SP100: variants seen among roughly 807,000 people sequenced by gnomAD.
SP100 encodes SP100 nuclear body protein, also known as nuclear autoantigen Sp-100.
Under a neutral mutation model 130.0 loss-of-function variants are expected in SP100, and 84 were observed. That is an observed-to-expected ratio of 0.65 (90% CI 0.54 to 0.77). The LOEUF is 0.77. Among genes scored for constraint, SP100 ranks in the 30% least tolerant of loss-of-function variants. The probability of loss-of-function intolerance (pLI) is 0.00; values close to 1 mark genes in which losing one functional copy is unlikely to be tolerated. For synonymous variants in SP100, 331 were observed against 351.7 expected (o/e 0.94, Z 0.66); for missense variants, 978 against 1,052.2 (o/e 0.93, Z 0.97).
chr2:230,435,778 C>T (rs949243290), intron 2 of SP100, among the ~76,000 whole-genome samples: 5 of 152,044 alleles, frequency 3.3e-5, no homozygotes, highest in African/African-American at 1.2e-4. Context: ...CATGTGTTCT[C>T]ATCATTTAGC....
chr2:230,483,185 T>G (rs1416153918), intron 17 of SP100, among the ~76,000 whole-genome samples: 5 of 152,188 alleles, frequency 3.3e-5, no homozygotes, highest in Admixed American at 3.3e-4. Flanking sequence ...ATATTTCAGA[T>G]AGTGACAATG....
rs543966929 is a variant in SP100 at position 230,453,258 on chromosome 2, G to T, written c.820+3003G>T. Among the ~76,000 whole-genome samples, 7 of 152,284 alleles carry T rather than the reference G, an allele frequency of 4.6e-5. No homozygotes were observed. In the South Asian group the frequency reaches 1.4e-3, roughly 32 times the overall value. On this transcript the variant is annotated intron_variant, in intron 8 of 28. Transcript: ENST00000340126. The stretch of plus-strand genomic sequence containing the variant: ...CTCACTGTTGTGAGAACAGCATTGA[G>T]GTAACTGCCCCCATGACTCAATTAC...
At chr2:230,438,644 T>TAC (rs1161249714) in intron 2 of SP100, among the ~76,000 whole-genome samples, 20 of 100,742 alleles carry the variant, frequency 2.0e-4, no homozygotes, top group Admixed American at 1.4e-3. Context: ...ATGGTGTATA[T>TAC]ATATACACAC....
At chr2:230,424,443 G>A (rs1455376562) in intron 2 of SP100, among the ~76,000 whole-genome samples, 1 of 152,146 alleles carries the variant, frequency 6.6e-6, no homozygotes, top group African/African-American at 2.4e-5. Flanking sequence ...GAGGCAGGCG[G>A]ATCACCTGAG....
rs2064308125 is a variant in SP100, at chr2:230,457,017, G to C, written c.821-4245G>C. On this transcript the variant is annotated intron_variant, in intron 8 of 28. Transcript: ENST00000340126. The stretch of plus-strand genomic sequence containing the variant: ...GCCTTACATTTATGTCTGTACATTT[G>C]AGAAAGTAGAAACTATTCTAGTCTT... Among the ~76,000 whole-genome samples, 8 of 152,158 alleles carry C rather than the reference G, an allele frequency of 5.3e-5. No individual in the cohort carries two copies. The South Asian group carries it at 1.7e-3, about 32-fold the overall frequency.
At chr2:230,492,655 G>A (rs2066450895) in intron 17 of SP100, among the ~76,000 whole-genome samples, 4 of 152,066 alleles carry the variant, frequency 2.6e-5, no homozygotes. Flanking sequence ...CAGAGCATAT[G>A]CATTTCATAT....
intron 8 of SP100, among the ~76,000 whole-genome samples, chr2:230,454,798 T>A (rs1421829793): frequency 6.6e-6 from 1 of 152,182 alleles, no homozygotes; most frequent in Non-Finnish European, 1.5e-5. Context: ...TTTTAGGTCC[T>A]CTTGGTCTAA....
At chr2:230,531,568 AT>A (rs761559079) in intron 24 of SP100, among the ~76,000 whole-genome samples, 2 of 152,178 alleles carry the variant, frequency 1.3e-5, no homozygotes, top group Non-Finnish European at 2.9e-5. Flanking sequence ...AAATAAATTA[AT>A]TAATTTAAAA....
At chr2:230,447,013 GA>G in intron 5 of SP100, 111 bp downstream of exon 5, 2 of 660,622 alleles carry the variant, frequency 3.0e-6, no homozygotes, top group South Asian at 3.8e-5. Context: ...AGAAGTCAAG[GA>G]GAGAGTTATA....
intron 2 of SP100, among the ~76,000 whole-genome samples, chr2:230,432,033 G>A (rs1281050774): frequency 6.6e-6 from 1 of 152,056 alleles, no homozygotes; most frequent in African/African-American, 2.4e-5. Flanking sequence ...ATGACTATTT[G>A]GGATCAATTC....
intron 23 of SP100, chr2:230,509,833 C>T (rs1428959518): frequency 6.6e-6 from 1 of 152,226 alleles, no homozygotes; most frequent in African/African-American, 2.4e-5. Flanking sequence ...AACCTCTTCT[C>T]CCAAGTGACA....
At chr2:230,493,026 T>C (rs552980991) in intron 17 of SP100, among the ~76,000 whole-genome samples, 95 of 152,348 alleles carry the variant, frequency 6.2e-4, no homozygotes, top group African/African-American at 2.3e-3. Flanking sequence ...TGGAAATATA[T>C]CTCAGTGTTG....
At chr2:230,484,905 C>T (rs2065993839) in intron 17 of SP100, among the ~76,000 whole-genome samples, 1 of 151,708 alleles carries the variant, frequency 6.6e-6, no homozygotes, top group Non-Finnish European at 1.5e-5. Context: ...CCCACTGGTT[C>T]ATTATTTAAG....
intron 12 of SP100, among the ~76,000 whole-genome samples, chr2:230,466,588 G>T (rs1024018240): frequency 1.3e-5 from 2 of 152,032 alleles, no homozygotes; most frequent in Admixed American, 6.6e-5. Context: ...ACAACAGAAG[G>T]TTTTTTATTT....
chr2:230,542,726 T>C (rs1692226749), intron 28 of SP100, 110 bp from the exon 29 acceptor site: 1 of 592,866 alleles, frequency 1.7e-6, no homozygotes. Flanking sequence ...GTAGATTAAT[T>C]CTCACTTAAC....
At chr2:230,449,753 G>A in intron 7 of SP100, 43 bp downstream of exon 7, 1 of 1,606,768 alleles carries the variant, frequency 6.2e-7, no homozygotes, top group Non-Finnish European at 8.5e-7. Flanking sequence ...GAGCCAAGGG[G>A]CCCTGGCTGG....
Position 230,464,070 on chromosome 2 carries a change from T to C in SP100, c.1061T>C (p.Ile354Thr), listed in dbSNP as rs1290184594. The C allele has an allele frequency of 3.1e-6, 5 of 1,608,470 alleles. No homozygotes were observed. Among genetic ancestry groups the C allele is most frequent in the South Asian group, 1.1e-5 (1 of 90,960 alleles). The change falls in exon 11 of 29, where the codon ATC (isoleucine) becomes ACC (threonine). Residue 354 changes from isoleucine (I) to threonine (T), a missense_variant. Ile to Thr is a moderately conservative substitution (Grantham distance 89). Transcript: ENST00000340126. ...FISAPRSEPV[I>T]NNDNPLESND... ...AGAATCCCATTCTTTTGTGCAGTGA[T>C]CAATAATGACAACCCTTTAGAATCA...
chr2:230,494,259 G>A (rs143929368), intron 17 of SP100, among the ~76,000 whole-genome samples, 157 bp from the exon 18 acceptor site: 290 of 152,128 alleles, frequency 1.9e-3, no homozygotes, highest in Middle Eastern at 3.4e-3. Context: ...TGGTTTCTGC[G>A]TGACAACAAC....
Position 230,485,035 on chromosome 2 carries a change from T to G in SP100, c.1601-9381T>G, listed in dbSNP as rs559639906. On this transcript the variant is annotated intron_variant, in intron 17 of 28. Transcript: ENST00000340126. ...GCCTTGAACTCCTCAGCTTAAGTGATCTTCCTGCTTCAGCCTCCCAAGTAG... is the reference window on the plus strand; with the variant it reads ...GCCTTGAACTCCTCAGCTTAAGTGAGCTTCCTGCTTCAGCCTCCCAAGTAG... 4.6e-5 allele frequency among the ~76,000 whole-genome samples: 7 copies of G among 152,284 alleles called. No homozygotes were observed. The South Asian group carries it at 1.4e-3, about 32-fold the overall frequency.
Sources: gnomAD v4.1 joint callset for allele counts (sites outside exome capture counted in the v4.1 genomes callset) on GRCh38, gnomAD v4.1.1 for gene constraint, MANE v1.5 for transcripts, NCBI Gene and HGNC (gene_info 2026-07-23, HGNC 2026-07-21) for gene names.